The following KIF6 variants were observed in gnomAD, a reference collection of about 807,000 sequenced individuals.
KIF6 encodes the protein kinesin-like protein KIF6.
In KIF6, 106 loss-of-function variants were observed where a neutral mutation model predicts 112.7. The ratio of observed to expected loss-of-function variants is 0.94; its 90% CI spans 0.80 to 1.11. The LOEUF is 1.11. KIF6 is among the 50% of genes least tolerant of loss of function. KIF6 has a pLI of 0.00. For synonymous variants in KIF6, 339 were observed against 339.9 expected (o/e 1.00, Z 0.03); for missense variants, 929 against 964.0 (o/e 0.96, Z 0.48).
chr6:39,532,596 G>A (rs1251556263), intron 13 of KIF6, among the ~76,000 whole-genome samples: 1 of 152,062 alleles, frequency 6.6e-6, no homozygotes, highest in Non-Finnish European at 1.5e-5. Flanking sequence ...CTACCATGTT[G>A]CTGAAAAAAT....
chr6:39,586,424 T>C lies in KIF6; in HGVS notation c.847-20A>G. On this transcript the variant is annotated intron_variant, in intron 7 of 22. Coordinates refer to ENST00000287152, the MANE Select transcript of KIF6 (RefSeq NM_145027.6). ...GATAACCTGTGGTAAAGTAGAAAGA[T>C]AATGGGATTAATTTAGCAAGAAAAT... The C allele has an allele frequency of 1.9e-6, 3 of 1,607,922 alleles. No homozygotes were observed. The highest frequency in any genetic ancestry group is 2.6e-6 in the Non-Finnish European group (3 of 1,175,324).
At chr6:39,684,041 C>T (rs960593234) in intron 3 of KIF6, among the ~76,000 whole-genome samples, 2 of 152,226 alleles carry the variant, frequency 1.3e-5, no homozygotes, top group African/African-American at 4.8e-5. Context: ...CCCCATCATG[C>T]TCAGTTATTG....
At chr6:39,392,930 T>C (rs1470017654) in intron 15 of KIF6, among the ~76,000 whole-genome samples, 1 of 152,164 alleles carries the variant, frequency 6.6e-6, no homozygotes, top group Non-Finnish European at 1.5e-5. Flanking sequence ...GGGTTGAAAG[T>C]GCAGTTTGAG....
At chr6:39,521,479 C>T (rs997452364) in intron 13 of KIF6, among the ~76,000 whole-genome samples, 8 of 152,142 alleles carry the variant, frequency 5.3e-5, no homozygotes, top group South Asian at 2.1e-4. Context: ...GTTTCAGGAA[C>T]GGCCTCCAAG....
intron 13 of KIF6, among the ~76,000 whole-genome samples, chr6:39,457,060 AAT>A (rs1228813537): frequency 7.1e-6 from 1 of 141,040 alleles, no homozygotes; most frequent in Non-Finnish European, 1.5e-5. Flanking sequence ...AAATCAACAG[AAT>A]ATACATTTTT....
rs1219335094 is a variant in KIF6, at chr6:39,343,362, G to A, written c.2428+347C>T. On this transcript the variant is annotated intron_variant, in intron 22 of 22. Coordinates refer to ENST00000287152, the MANE Select transcript of KIF6 (RefSeq NM_145027.6). This position sits in a 1 kb window ranked among gnomAD's most constrained non-coding sequence, Gnocchi z 4.1. ...CAACGAGTTACCAAAACATCACTCAGCCCCTTCCTGTTTGTAGAAGCCTGA... is the reference window on the plus strand; with the variant it reads ...CAACGAGTTACCAAAACATCACTCAACCCCTTCCTGTTTGTAGAAGCCTGA... 2.3e-6 allele frequency: 3 copies of A among 1,312,774 alleles called. No individual in the cohort carries two copies. The East Asian group carries it at 1.5e-4, about 66-fold the overall frequency. 81.3% of individuals were successfully genotyped at this position (1,312,774 alleles called of 1,614,324 possible). A position where few individuals can be genotyped will look rare whatever the true frequency, so the allele number is the denominator to read the frequency against.
chr6:39,559,009 GC>G (rs1779872783), intron 10 of KIF6, among the ~76,000 whole-genome samples: 1 of 152,142 alleles, frequency 6.6e-6, no homozygotes, highest in South Asian at 2.1e-4. Context: ...TGTAGACCAT[GC>G]TTTTAGTTTT....
At chr6:39,341,197 C>T (rs1326887812) in intron 22 of KIF6, among the ~76,000 whole-genome samples, 1 of 152,166 alleles carries the variant, frequency 6.6e-6, no homozygotes, top group Non-Finnish European at 1.5e-5. Context: ...TTCCCTTCCA[C>T]CCTCTCCCCA....
chr6:39,394,854 G>T (rs1015584339), intron 15 of KIF6, among the ~76,000 whole-genome samples: 4 of 152,186 alleles, frequency 2.6e-5, no homozygotes, highest in African/African-American at 9.7e-5. Context: ...CCTTATAAAA[G>T]ATATCAATAC....
chr6:39,431,696 T>A (rs773798178), intron 13 of KIF6, among the ~76,000 whole-genome samples: 8 of 152,204 alleles, frequency 5.3e-5, no homozygotes, highest in Non-Finnish European at 1.2e-4. Context: ...GGTCCTCAGT[T>A]ACAAGACTCA....
chr6:39,393,948 T>C (rs1054004090), intron 15 of KIF6, among the ~76,000 whole-genome samples: 11 of 152,140 alleles, frequency 7.2e-5, no homozygotes, highest in African/African-American at 2.7e-4. Flanking sequence ...GGGGTATAAA[T>C]GATCCTGTGT....
intron 7 of KIF6, among the ~76,000 whole-genome samples, chr6:39,588,868 A>C (rs1039500800): frequency 1.4e-4 from 21 of 152,196 alleles, no homozygotes; most frequent in African/African-American, 5.1e-4. Flanking sequence ...AACCTCTGGG[A>C]TCCCTTGCTT....
intron 22 of KIF6, among the ~76,000 whole-genome samples, chr6:39,336,801 T>TTTCCTTTC (rs148778844): frequency 9.0e-4 from 136 of 150,824 alleles, no homozygotes; most frequent in African/African-American, 3.2e-3. Context: ...TTTTCTTTCC[T>TTTCCTTTC]TTTCTTTCTT....
intron 22 of KIF6, 99 bp from the exon 23 acceptor site, chr6:39,336,647 C>T (rs1401412935): frequency 7.4e-6 from 8 of 1,080,144 alleles, no homozygotes; most frequent in African/African-American, 1.5e-5. Flanking sequence ...AGCCACTCCC[C>T]CTGGGTCTTG....
At chr6:39,676,620 A>G (rs190469966) in intron 3 of KIF6, among the ~76,000 whole-genome samples, 102 of 152,268 alleles carry the variant, frequency 6.7e-4, no homozygotes, top group African/African-American at 2.4e-3. Flanking sequence ...TAAAACATTT[A>G]ACAATAGAGA....
intron 3 of KIF6, among the ~76,000 whole-genome samples, chr6:39,688,810 A>T (rs767625945): frequency 5.9e-5 from 9 of 152,232 alleles, no homozygotes; most frequent in Non-Finnish European, 1.3e-4. Flanking sequence ...AATAAAGATG[A>T]TCTAAGTCTG....
chr6:39,426,598 A>G (rs961207282), intron 14 of KIF6, among the ~76,000 whole-genome samples: 2 of 152,178 alleles, frequency 1.3e-5, no homozygotes, highest in Non-Finnish European at 2.9e-5. Context: ...TACAAAAGGT[A>G]AAATTAGTCA....
intron 3 of KIF6, among the ~76,000 whole-genome samples, chr6:39,652,318 C>T (rs781329341): frequency 6.6e-6 from 1 of 152,090 alleles, no homozygotes; most frequent in Non-Finnish European, 1.5e-5. Context: ...TACCTAAGGT[C>T]GGGAGTTCAA....
Position 39,503,310 on chromosome 6 carries a change from C to T in KIF6, c.1645+36693G>A, listed in dbSNP as rs531677348. Among the ~76,000 whole-genome samples, 189 of 152,248 alleles carry T rather than the reference C, an allele frequency of 1.2e-3. 1 individual carries two copies. The highest frequency in any genetic ancestry group is 0.01 in the Middle Eastern group (3 of 294). On this transcript the variant is annotated intron_variant, in intron 13 of 22. Transcript: ENST00000287152. ...GAAACTAATGAGAACAAAGATACAA[C>T]GTACCACAATCTCTAGGATGCAGCT...
Sources: allele counts gnomAD v4.1 joint callset (sites outside exome capture counted in the v4.1 genomes callset), GRCh38; gene constraint gnomAD v4.1.1; non-coding constraint Gnocchi (gnomAD v3.1); transcripts MANE v1.5; gene names NCBI Gene and HGNC (gene_info 2026-07-23, HGNC 2026-07-21).